The following CD99L2 variants were observed in gnomAD, a reference collection of about 807,000 sequenced individuals.
CD99L2 encodes CD99 molecule like 2, also known as CD99 antigen-like protein 2.
CD99L2 carries 24 observed loss-of-function variants against 27.3 expected under a neutral mutation model. That is an observed-to-expected ratio of 0.88 (90% CI 0.64 to 1.24). The LOEUF is 1.24. CD99L2 is among the 50% of genes most tolerant of loss of function. The pLI is 0.00. For missense variants in CD99L2, 255 were observed against 221.6 expected (o/e 1.15, Z -0.96); for synonymous variants, 97 against 87.9 (o/e 1.10, Z -0.58).
chrX:150,892,121 T>C (rs962811483), intron 1 of CD99L2, among the ~76,000 whole-genome samples: 2 of 110,666 alleles, frequency 1.8e-5, no homozygotes, highest in African/African-American at 6.6e-5. Flanking sequence ...CTCGGGAGGC[T>C]GAGGCAGGAG....
chrX:150,824,707 G>GGAAGAAGAAGAAGAAGAA (rs10695052), intron 2 of CD99L2, among the ~76,000 whole-genome samples: 14 of 93,661 alleles, frequency 1.5e-4, no homozygotes, highest in Non-Finnish European at 2.5e-4. Flanking sequence ...AAGAGGAAGA[G>GGAAGAAGAAGAAGAAGAA]GAAGAAGAAG....
chrX:150,771,174 G>T (rs1557419050), intron 9 of CD99L2, among the ~76,000 whole-genome samples: 1 of 111,980 alleles, frequency 8.9e-6, no homozygotes, highest in Non-Finnish European at 1.9e-5. Context: ...CTGGGGCATG[G>T]TTCCAACCGA....
rs527795783 is a variant in CD99L2, at chrX:150,787,888, G to GTATATATATATA, written c.496+5791_496+5802dup. 2.6e-3 allele frequency among the ~76,000 whole-genome samples: 167 copies of GTATATATATATA among 63,832 alleles called. 2 individuals are homozygous for GTATATATATATA. The highest frequency in any genetic ancestry group is 9.4e-3 in the Middle Eastern group (1 of 106). The allele number at this position is 63,832 out of a possible 115,157, so 55.4% of individuals were successfully genotyped here. ...GTGTACATGTACCCTAGAACTTAAA[G>GTATATATATATA]TATATATATATATATATATATATAT... On this transcript the variant is annotated intron_variant, in intron 7 of 10. Transcript: ENST00000370377.
intron 1 of CD99L2, among the ~76,000 whole-genome samples, chrX:150,848,066 C>A (rs1426136274): frequency 9.2e-6 from 1 of 109,051 alleles, no homozygotes; most frequent in Non-Finnish European, 1.9e-5. Flanking sequence ...AAGGCCTCCT[C>A]ACTACACTGA....
Position 150,770,318 on chromosome X carries a change from C to T in CD99L2, c.707G>A (p.Cys236Tyr). The T allele has an allele frequency of 8.3e-7, 1 of 1,211,997 alleles. No homozygotes were observed. The highest frequency in any genetic ancestry group is 1.1e-6 in the Non-Finnish European group (1 of 895,406). The part of the protein sequence containing the change: ...VKGENLEAVV[C>Y]EEPQVKYSTL... ...AAAGTTCTCACCTTGGGGTTCCTCACATACCACGGCTTCCAGGTTCTCTCC... is the reference window on the plus strand; with the variant it reads ...AAAGTTCTCACCTTGGGGTTCCTCATATACCACGGCTTCCAGGTTCTCTCC... The change falls in exon 10 of 11, where the codon TGT becomes TAT. Residue 236 changes from cysteine (C) to tyrosine (Y), a missense_variant. Transcript: ENST00000370377.
intron 7 of CD99L2, among the ~76,000 whole-genome samples, chrX:150,781,141 G>A (rs992724699): frequency 5.4e-5 from 6 of 111,522 alleles, no homozygotes; most frequent in Non-Finnish European, 1.1e-4. Flanking sequence ...AATAAATTAT[G>A]GTATATCATA....
chrX:150,768,821 T>C lies in CD99L2; in HGVS notation c.*213A>G, dbSNP rs2043355551. On this transcript the variant is annotated 3_prime_UTR_variant, in exon 11 of 11. Transcript: ENST00000370377. ...GCTGGTGCTGGCTTTCTATCAGAGC[T>C]GGCTCTTGAATTTCGGCACCAAGTC... The C allele has an allele frequency of 1.1e-6, 1 of 879,903 alleles. No individual in the cohort carries two copies. Among genetic ancestry groups the C allele is most frequent in the African/African-American group, 2.1e-5 (1 of 46,966 alleles). 72.5% of individuals were successfully genotyped at this position (879,903 alleles called of 1,213,427 possible). A position where few individuals can be genotyped will look rare whatever the true frequency, so the allele number is the denominator to read the frequency against.
intron 1 of CD99L2, among the ~76,000 whole-genome samples, chrX:150,863,573 T>G (rs1557421963): frequency 9.0e-6 from 1 of 111,182 alleles, no homozygotes; most frequent in African/African-American, 3.3e-5. Context: ...CAGCCTTTCT[T>G]TTGGTGTTTT....
intron 4 of CD99L2, among the ~76,000 whole-genome samples, chrX:150,812,435 G>A (rs1222129119): frequency 8.9e-6 from 1 of 111,900 alleles, no homozygotes; most frequent in Non-Finnish European, 1.9e-5. Context: ...TATACAGATG[G>A]CAAACAAATA....
At chrX:150,889,015 C>T (rs781824966) in intron 1 of CD99L2, among the ~76,000 whole-genome samples, 18 of 112,788 alleles carry the variant, frequency 1.6e-4, no homozygotes, top group Non-Finnish European at 2.8e-4. Flanking sequence ...GCGACAGCAA[C>T]GGCCTTCAAC....
intron 1 of CD99L2, among the ~76,000 whole-genome samples, chrX:150,897,526 AGTGT>A (rs58656065): frequency 1.2e-3 from 121 of 103,783 alleles, no homozygotes; most frequent in Middle Eastern, 5.0e-3. Flanking sequence ...ACTAGGACAA[AGTGT>A]GTGTGTGTGT....
chrX:150,882,682 T>TA (rs1245926195), intron 1 of CD99L2, among the ~76,000 whole-genome samples: 3 of 107,566 alleles, frequency 2.8e-5, no homozygotes, highest in African/African-American at 6.8e-5. Context: ...CCTCAAAAAA[T>TA]AAAAAAAAAT....
intron 1 of CD99L2, among the ~76,000 whole-genome samples, chrX:150,837,422 G>A (rs781797539): frequency 2.7e-5 from 3 of 110,950 alleles, no homozygotes; most frequent in South Asian, 7.7e-4. Context: ...GCTAATTTTT[G>A]TATTTTTAGT....
At chrX:150,770,990 T>TA (rs1252985329) in intron 9 of CD99L2, among the ~76,000 whole-genome samples, 1 of 112,346 alleles carries the variant, frequency 8.9e-6, no homozygotes, top group African/African-American at 3.2e-5. Context: ...CTACACCTGT[T>TA]ACAAGAGGGA....
intron 1 of CD99L2, among the ~76,000 whole-genome samples, chrX:150,890,427 C>G (rs1438607233): frequency 2.7e-5 from 3 of 111,547 alleles, no homozygotes; most frequent in Non-Finnish European, 5.7e-5. Context: ...TGCAGTGAGT[C>G]GAGATTGCGC....
At chrX:150,848,639 A>C (rs1198046712) in intron 1 of CD99L2, among the ~76,000 whole-genome samples, 1 of 110,570 alleles carries the variant, frequency 9.0e-6, no homozygotes, top group Non-Finnish European at 1.9e-5. Context: ...AAGGCATGTT[A>C]ACTTTGGACA....
chrX:150,776,202 C>T lies in CD99L2; in HGVS notation c.627G>A (p.Gln209=). Residue 209 remains glutamine (Q), a synonymous_variant, in exon 9 of 11, where the codon CAG becomes CAA. Transcript: ENST00000370377. ...IGAVSSYISY[Q]QKKFCFSIQQ... ...GAATGCTGAAGCAGAACTTCTTCTG[C>T]TGGTAGGAGATGTAGCTGGAGACGG... 2 of 1,211,634 alleles carry T rather than the reference C, an allele frequency of 1.7e-6. No individual in the cohort carries two copies. The highest frequency in any genetic ancestry group is 2.2e-6 in the Non-Finnish European group (2 of 895,392).
intron 4 of CD99L2, among the ~76,000 whole-genome samples, chrX:150,801,999 G>A (rs1180439759): frequency 8.9e-6 from 1 of 111,870 alleles, no homozygotes; most frequent in East Asian, 2.8e-4. Context: ...GAAACACCAA[G>A]GACATCACTC....
At chrX:150,872,542 T>A (rs1603311712) in intron 1 of CD99L2, among the ~76,000 whole-genome samples, 1 of 83,961 alleles carries the variant, frequency 1.2e-5, no homozygotes, top group Admixed American at 1.4e-4. Context: ...CTCAATATGT[T>A]AAAAAAAAAA....
Sources: allele counts gnomAD v4.1 joint callset (sites outside exome capture counted in the v4.1 genomes callset), GRCh38; gene constraint gnomAD v4.1.1; transcripts MANE v1.5; gene names NCBI Gene and HGNC (gene_info 2026-07-23, HGNC 2026-07-21).